The following CPNE8 variants were observed in gnomAD, a reference collection of about 807,000 sequenced individuals.
CPNE8 encodes the protein copine-8.
CPNE8 carries 45 observed loss-of-function variants against 81.5 expected under a neutral mutation model. The ratio of observed to expected loss-of-function variants is 0.55; its 90% CI spans 0.44 to 0.71. CPNE8 has a LOEUF of 0.71. CPNE8 is among the 30% of genes least tolerant of loss of function. The probability of loss-of-function intolerance (pLI) is 0.00; values close to 1 mark genes in which losing one functional copy is unlikely to be tolerated. For synonymous variants in CPNE8, 252 were observed against 226.3 expected (o/e 1.11, Z -1.02); for missense variants, 594 against 672.1 (o/e 0.88, Z 1.28).
At chr12:38,785,099 G>T (rs1035745140) in intron 6 of CPNE8, among the ~76,000 whole-genome samples, 21 of 151,902 alleles carry the variant, frequency 1.4e-4, no homozygotes, top group Admixed American at 1.2e-3. Context: ...GAAGGCTGAG[G>T]CAAGATAATC....
chr12:38,822,509 A>G (rs1458806515), intron 6 of CPNE8, among the ~76,000 whole-genome samples: 3 of 152,182 alleles, frequency 2.0e-5, no homozygotes, highest in Admixed American at 6.5e-5. Flanking sequence ...ATTAAATTCT[A>G]ATGTGCTCCA....
chr12:38,664,454 T>C, intron 19 of CPNE8, among the ~76,000 whole-genome samples: 1 of 152,098 alleles, frequency 6.6e-6, no homozygotes, highest in Non-Finnish European at 1.5e-5. Flanking sequence ...TTAATAGTTT[T>C]CAATTTATAT....
chr12:38,848,589 A>C lies in CPNE8; in HGVS notation c.260T>G (p.Phe87Cys). Residue 87 changes from phenylalanine to cysteine, a missense_variant, in exon 4 of 20, where the codon TTT becomes TGT. Physicochemically the swap from Phe to Cys is radical, Grantham distance 205. Coordinates refer to ENST00000331366, the MANE Select transcript of CPNE8 (RefSeq NM_153634.3). Reference protein sequence around the residue: ...FVRKFILDYFFEERENLRFDL... With the variant: ...FVRKFILDYFCEERENLRFDL... ...AAAACGAAGATTCTCTCTTTCTTCA[A>C]AAAAGTAGTCCAGAATAAACTTTCT... The C allele has an allele frequency of 6.3e-7, 1 of 1,589,802 alleles. No individual in the cohort carries two copies. The highest frequency in any genetic ancestry group is 1.2e-5 in the South Asian group (1 of 85,730).
In CPNE8 at chr12:38,674,403, C is replaced by A. The variant is rs372114009; in HGVS notation, c.1432+1314G>T. ...AAGATACATCCTTCAAAGTCAAAAGCAAATAGTAGCCAAAGAAGAAAGCAT... is the reference window on the plus strand; with the variant it reads ...AAGATACATCCTTCAAAGTCAAAAGAAAATAGTAGCCAAAGAAGAAAGCAT... On this transcript the variant is annotated intron_variant, in intron 18 of 19. Coordinates refer to ENST00000331366, the MANE Select transcript of CPNE8 (RefSeq NM_153634.3). Among the ~76,000 whole-genome samples, 50 of 152,178 alleles carry A rather than the reference C, an allele frequency of 3.3e-4. No individual in the cohort carries two copies. The South Asian group carries it at 1.0e-2, about 30-fold the overall frequency.
intron 6 of CPNE8, among the ~76,000 whole-genome samples, chr12:38,802,934 A>T (rs991157984): frequency 8.0e-5 from 12 of 149,268 alleles, no homozygotes; most frequent in Non-Finnish European, 1.6e-4. Flanking sequence ...CTCGACACAT[A>T]CAGTCTCCCA....
intron 3 of CPNE8, among the ~76,000 whole-genome samples, chr12:38,849,315 T>C (rs952420912): frequency 6.6e-6 from 1 of 152,140 alleles, no homozygotes; most frequent in Non-Finnish European, 1.5e-5. Context: ...TAGTCCTCCC[T>C]CCTTTCAATG....
At chr12:38,864,397 C>T (rs1297321947) in intron 3 of CPNE8, among the ~76,000 whole-genome samples, 1 of 151,990 alleles carries the variant, frequency 6.6e-6, no homozygotes, top group Non-Finnish European at 1.5e-5. Context: ...TTTGCCCTGG[C>T]TCCTATTTAC....
intron 7 of CPNE8, 44 bp from the exon 8 acceptor site, chr12:38,767,782 A>C: frequency 8.1e-7 from 1 of 1,227,198 alleles, no homozygotes. Context: ...TGGGCTATAA[A>C]TAACTAGAAA....
At chr12:38,707,386 T>C (rs982630271) in intron 13 of CPNE8, among the ~76,000 whole-genome samples, 1 of 151,704 alleles carries the variant, frequency 6.6e-6, no homozygotes, top group Non-Finnish European at 1.5e-5. Context: ...CTAAACTAAA[T>C]TATGAAACCA....
intron 10 of CPNE8, among the ~76,000 whole-genome samples, chr12:38,755,557 A>G (rs1941437705): frequency 1.3e-5 from 2 of 152,180 alleles, no homozygotes; most frequent in Non-Finnish European, 2.9e-5. Flanking sequence ...TCAATTGTTA[A>G]AGTGAGCTTT....
At chr12:38,861,050 G>C in intron 3 of CPNE8, among the ~76,000 whole-genome samples, 1 of 152,188 alleles carries the variant, frequency 6.6e-6, no homozygotes, top group Non-Finnish European at 1.5e-5. Flanking sequence ...ATATTATTCA[G>C]CTTTACAAAA....
At chr12:38,867,348 G>C (rs1344719423) in intron 3 of CPNE8, among the ~76,000 whole-genome samples, 1 of 151,282 alleles carries the variant, frequency 6.6e-6, no homozygotes, top group African/African-American at 2.4e-5. Flanking sequence ...GTGAGAGAGA[G>C]AGAGAGAGAG....
chr12:38,734,775 T>G (rs943598543), intron 10 of CPNE8, among the ~76,000 whole-genome samples: 1 of 152,050 alleles, frequency 6.6e-6, no homozygotes, highest in Non-Finnish European at 1.5e-5. Context: ...AATCTAATTA[T>G]GAAGACTGTA....
At chr12:38,839,115 TCA>T (rs1234530732) in intron 5 of CPNE8, among the ~76,000 whole-genome samples, 1 of 152,168 alleles carries the variant, frequency 6.6e-6, no homozygotes, top group East Asian at 1.9e-4. Flanking sequence ...ACTTGGCACC[TCA>T]GTTATCTCCT....
chr12:38,750,376 A>G (rs372120205), intron 10 of CPNE8, among the ~76,000 whole-genome samples: 88 of 152,322 alleles, frequency 5.8e-4, no homozygotes, highest in African/African-American at 2.0e-3. Context: ...TCCAGACCCC[A>G]GAATGGTAGA....
At chr12:38,839,789 A>G in intron 5 of CPNE8, 127 bp downstream of exon 5, 1 of 888,288 alleles carries the variant, frequency 1.1e-6, no homozygotes, top group Non-Finnish European at 1.5e-6. Flanking sequence ...TTAAAATGTT[A>G]CTTATTTTCT....
Position 38,905,474 on chromosome 12 carries a change from TG to T in CPNE8, c.60del (p.Ile21SerfsTer48). 1 of 1,575,726 alleles carries T rather than the reference TG, an allele frequency of 6.3e-7. No individual in the cohort carries two copies. ...GACACCTCCACCCGCGTGGCCGGGA[TG>T]GCAGCGCTCAGCTGGTTCAAGTCCC... ...GIGDLNQLSAAIPATRVEVSV... is the reference protein window; with the variant it reads ...GIGDLNQLSAXIPATRVEVSV... On this transcript the variant is annotated frameshift_variant, in exon 1 of 20. Transcript: ENST00000331366. LOFTEE classifies it high-confidence loss of function.
At chr12:38,853,910 A>T (rs1943685985) in intron 3 of CPNE8, among the ~76,000 whole-genome samples, 1 of 152,142 alleles carries the variant, frequency 6.6e-6, no homozygotes, top group Admixed American at 6.5e-5. Context: ...TTAATATATT[A>T]TGAAGGCCCA....
intron 10 of CPNE8, among the ~76,000 whole-genome samples, chr12:38,747,812 GAT>G (rs1362419235): frequency 1.3e-5 from 2 of 151,834 alleles, no homozygotes; most frequent in Non-Finnish European, 2.9e-5. Context: ...ATCAATTTAA[GAT>G]ATATTATTAA....
Sources: allele counts gnomAD v4.1 joint callset (sites outside exome capture counted in the v4.1 genomes callset), GRCh38; gene constraint gnomAD v4.1.1; transcripts MANE v1.5; gene names NCBI Gene and HGNC (gene_info 2026-07-23, HGNC 2026-07-21).